YAP1: variants seen among roughly 807,000 people sequenced by gnomAD.
YAP1 encodes transcriptional coactivator YAP1.
A neutral mutation model predicts 56.9 loss-of-function variants in YAP1; 5 were observed. The ratio of observed to expected loss-of-function variants is 0.09; its 90% CI spans 0.05 to 0.18. YAP1 has a LOEUF of 0.18. Among genes scored for constraint, YAP1 ranks in the 10% least tolerant of loss-of-function variants. The pLI is 1.00. For missense variants in YAP1, 539 were observed against 651.8 expected (o/e 0.83, Z 1.88); for synonymous variants, 265 against 248.1 (o/e 1.07, Z -0.64).
chr11:102,132,109 C>G (rs1015390013), intron 2 of YAP1, among the ~76,000 whole-genome samples: 2 of 151,820 alleles, frequency 1.3e-5, no homozygotes, highest in African/African-American at 4.8e-5. Flanking sequence ...CAGAGCGAGA[C>G]CCTGTGTCAA....
At chr11:102,146,502 A>G (rs1945329078) in intron 2 of YAP1, among the ~76,000 whole-genome samples, 1 of 152,176 alleles carries the variant, frequency 6.6e-6, no homozygotes, top group Non-Finnish European at 1.5e-5. Context: ...AAGGTCTTAC[A>G]CACCCCTCAT....
At chr11:102,160,720 G>T (rs1033325343) in intron 2 of YAP1, among the ~76,000 whole-genome samples, 1 of 152,082 alleles carries the variant, frequency 6.6e-6, no homozygotes, top group Non-Finnish European at 1.5e-5. Context: ...CCAGTAGTAC[G>T]AGAATTTGCT....
intron 2 of YAP1, among the ~76,000 whole-genome samples, chr11:102,120,477 G>T (rs1446601585): frequency 6.6e-6 from 1 of 152,198 alleles, no homozygotes; most frequent in Non-Finnish European, 1.5e-5. Flanking sequence ...TCTTCTACCA[G>T]ATATTTTCAG....
At chr11:102,151,369 T>A (rs1275826877) in intron 2 of YAP1, among the ~76,000 whole-genome samples, 1 of 152,156 alleles carries the variant, frequency 6.6e-6, no homozygotes, top group Non-Finnish European at 1.5e-5. Flanking sequence ...CTTTCAAGAA[T>A]GCTTCTCCAG....
intron 2 of YAP1, among the ~76,000 whole-genome samples, chr11:102,137,762 T>A (rs1386647114): frequency 2.0e-5 from 3 of 152,104 alleles, no homozygotes; most frequent in Non-Finnish European, 4.4e-5. Context: ...TTTTTTTTTT[T>A]TTTAAAGTCA....
At chr11:102,176,484 A>C (rs1432275456) in intron 3 of YAP1, among the ~76,000 whole-genome samples, 2 of 152,222 alleles carry the variant, frequency 1.3e-5, no homozygotes, top group East Asian at 3.9e-4. Context: ...ACGGTGGCTC[A>C]CGCCTGTAAT....
At chr11:102,190,428 C>T (rs554077829) in intron 4 of YAP1, among the ~76,000 whole-genome samples, 3 of 152,024 alleles carry the variant, frequency 2.0e-5, no homozygotes, top group African/African-American at 7.2e-5. Context: ...GCCAGGAGTT[C>T]CTGACCAGCC....
chr11:102,130,397 ATGATTGATTGAT>A (rs376605984), intron 2 of YAP1, among the ~76,000 whole-genome samples: 1 of 152,026 alleles, frequency 6.6e-6, no homozygotes, highest in African/African-American at 2.4e-5. Flanking sequence ...CTCCCGGATA[ATGATTGATTGAT>A]TGATTGATTG....
chr11:102,179,010 AG>A (rs1947429268), intron 3 of YAP1, among the ~76,000 whole-genome samples: 2 of 152,082 alleles, frequency 1.3e-5, no homozygotes, highest in Admixed American at 6.5e-5. Flanking sequence ...CTTATGACCA[AG>A]GGGATGGTGC....
chr11:102,118,133 A>G (rs960081198), intron 2 of YAP1, among the ~76,000 whole-genome samples: 2 of 152,190 alleles, frequency 1.3e-5, no homozygotes, highest in African/African-American at 2.4e-5. Context: ...ATTTGATTTA[A>G]GGAATCTGGA....
chr11:102,229,478 C>T (rs556293559), intron 8 of YAP1, among the ~76,000 whole-genome samples: 5 of 152,030 alleles, frequency 3.3e-5, no homozygotes, highest in Non-Finnish European at 5.9e-5. Flanking sequence ...CACATAATAG[C>T]AATCAAGCTG....
intron 2 of YAP1, among the ~76,000 whole-genome samples, chr11:102,122,780 G>C (rs1038609440): frequency 2.6e-5 from 4 of 151,478 alleles, no homozygotes; most frequent in African/African-American, 9.7e-5. Flanking sequence ...CTTAATCCCA[G>C]CTACTTGGGA....
At position 102,186,077 on chromosome 11, in the gene YAP1, A is replaced by G. The variant is rs1253473987; in HGVS notation, c.748A>G (p.Asn250Asp). ...MTQDGEIYYI[N>D]HKNKTTSWLD... Reference sequence around the variant, plus strand: ...TCAGGATGGAGAAATTTACTATATAAACCATAAGAACAAGACCACCTCTTG... The same window carrying G: ...TCAGGATGGAGAAATTTACTATATAGACCATAAGAACAAGACCACCTCTTG... Residue 250 changes from asparagine (N) to aspartate (D), a missense_variant, in exon 4 of 9, where the codon AAC becomes GAC. Physicochemically the swap from Asn to Asp is conservative, Grantham distance 23 (BLOSUM62 1). Coordinates refer to ENST00000282441, the MANE Select transcript of YAP1 (RefSeq NM_001130145.3). The G allele has an allele frequency of 3.8e-5, 62 of 1,613,094 alleles. No individual in the cohort carries two copies. Among genetic ancestry groups the G allele is most frequent in the Non-Finnish European group, 5.2e-5 (61 of 1,179,582 alleles).
chr11:102,155,548 G>C (rs1242403336), intron 2 of YAP1, among the ~76,000 whole-genome samples: 1 of 152,172 alleles, frequency 6.6e-6, no homozygotes, highest in African/African-American at 2.4e-5. Context: ...CATCAAAATG[G>C]CTGGAGGAGG....
chr11:102,184,158 T>TA (rs1038252432), intron 3 of YAP1, among the ~76,000 whole-genome samples: 1 of 152,020 alleles, frequency 6.6e-6, no homozygotes, highest in Non-Finnish European at 1.5e-5. Flanking sequence ...CAGTGATTGC[T>TA]ATTGACTTGT....
intron 3 of YAP1, among the ~76,000 whole-genome samples, chr11:102,172,729 A>G (rs1440336645): frequency 6.6e-6 from 1 of 152,172 alleles, no homozygotes; most frequent in Non-Finnish European, 1.5e-5. Flanking sequence ...AAAATAGACC[A>G]GTTATGGTCA....
Position 102,130,691 on chromosome 11 carries a change from C to A in YAP1, c.572+16297C>A, listed in dbSNP as rs151051348. Among the ~76,000 whole-genome samples the A allele has an allele frequency of 6.0e-5, 9 of 150,376 alleles. No homozygotes were observed. In the East Asian group the frequency reaches 1.6e-3, roughly 26 times the overall value. ...ATGCTGGGATTACAGGCATGAGCCACCACACCTGACCTCTCCTGGATAACT... is the reference window on the plus strand; with the variant it reads ...ATGCTGGGATTACAGGCATGAGCCAACACACCTGACCTCTCCTGGATAACT... On this transcript the variant is annotated intron_variant, in intron 2 of 8. Coordinates refer to ENST00000282441, the MANE Select transcript of YAP1 (RefSeq NM_001130145.3).
chr11:102,146,034 C>T (rs765216508), intron 2 of YAP1, among the ~76,000 whole-genome samples: 1 of 152,122 alleles, frequency 6.6e-6, no homozygotes, highest in Non-Finnish European at 1.5e-5. Context: ...TTAGTTAAGT[C>T]AGAATGTCAA....
intron 2 of YAP1, among the ~76,000 whole-genome samples, chr11:102,162,112 G>C (rs1334566651): frequency 6.6e-6 from 1 of 152,096 alleles, no homozygotes; most frequent in Non-Finnish European, 1.5e-5. Flanking sequence ...TATGAATCTT[G>C]GGTTTTAGTC....
Sources: allele counts gnomAD v4.1 joint callset (sites outside exome capture counted in the v4.1 genomes callset), GRCh38; gene constraint gnomAD v4.1.1; transcripts MANE v1.5; gene names NCBI Gene and HGNC (gene_info 2026-07-23, HGNC 2026-07-21).